CCL27: variants seen among roughly 807,000 people sequenced by gnomAD.
CCL27 encodes the protein C-C motif chemokine 27.
A neutral mutation model predicts 7.7 loss-of-function variants in CCL27; 8 were observed. That is an observed-to-expected ratio of 1.04 (90% CI 0.61 to 1.88). CCL27 has a LOEUF of 1.88. Ranked by LOEUF, CCL27 falls within the 40% of genes most tolerant of loss-of-function variation. CCL27 has a pLI of 0.00. For synonymous variants in CCL27, 49 were observed against 53.2 expected (o/e 0.92, Z 0.34); for missense variants, 130 against 130.0 (o/e 1.00, Z 0.00).
chr9:34,661,940 G>A lies in CCL27; in HGVS notation c.*4C>T. ...GCTGCTTTATTATTTGGCTATTGGG[G>A]GCTTCAGCCCATTTTCCTTAGCATC... On this transcript the variant is annotated 3_prime_UTR_variant, in exon 3 of 3. Transcript: ENST00000259631. 1 of 1,614,036 alleles carries A rather than the reference G, an allele frequency of 6.2e-7. No homozygotes were observed. The highest frequency in any genetic ancestry group is 8.5e-7 in the Non-Finnish European group (1 of 1,179,940).
In CCL27 at chr9:34,662,581, C is replaced by T. The variant is rs1284931141; in HGVS notation, c.53G>A (p.Ser18Asn). Residue 18 changes from serine (S) to asparagine (N), a missense_variant, in exon 1 of 3, where the codon AGC becomes AAC. By Grantham distance (46) the Ser-to-Asn change is conservative. Transcript: ENST00000259631. ...CSLLLLSLLL[S>N]PDPTAAFLLP... is the part of the protein sequence containing the mutation. Reference sequence around the variant, plus strand: ...GTACTCACCTGCTGTAGGGTCTGGGCTCAGGAGCAATGACAGCAGCAGGAG... The same window carrying T: ...GTACTCACCTGCTGTAGGGTCTGGGTTCAGGAGCAATGACAGCAGCAGGAG... 1 of 1,614,052 alleles carries T rather than the reference C, an allele frequency of 6.2e-7. No individual in the cohort carries two copies. Among genetic ancestry groups the T allele is most frequent in the Non-Finnish European group, 8.5e-7 (1 of 1,179,976 alleles).
chr9:34,662,626 C>T lies in CCL27; in HGVS notation c.8G>A (p.Gly3Glu), dbSNP rs141733148. 2.5e-4 allele frequency: 403 copies of T among 1,612,236 alleles called. 1 individual carries two copies. The highest frequency in any genetic ancestry group is 1.3e-3 in the Middle Eastern group (8 of 6,040). Residue 3 changes from glycine (G) to glutamate (E), a missense_variant, in exon 1 of 3, where the codon GGG (glycine) becomes GAG (glutamate). Transcript: ENST00000259631. ...CAGGAGGCTGCAGAAGGTTGGGGGC[C>T]CCTTCATGTTGCTCAGCCTAGACTC... MKGPPTFCSLLLL... is the reference protein window; with the variant it reads MKEPPTFCSLLLL...
At chr9:34,662,225 A>T (rs1290191301) in intron 2 of CCL27, 59 bp downstream of exon 2, 1 of 1,610,660 alleles carries the variant, frequency 6.2e-7, no homozygotes, top group African/African-American at 1.3e-5. Flanking sequence ...TGGGGTTGGG[A>T]TCAGCATTAG....
intron 1 of CCL27, 70 bp from the exon 2 acceptor site, chr9:34,662,486 T>G (rs1821478014): frequency 6.2e-7 from 1 of 1,613,074 alleles, no homozygotes; most frequent in Admixed American, 1.7e-5. Flanking sequence ...AGCTGGAGGT[T>G]AGGTTGGATT....
rs372580675 is a variant in CCL27 at position 34,662,285 on chromosome 9, C to T, written c.202G>A (p.Val68Met). The T allele has an allele frequency of 1.9e-5, 31 of 1,613,720 alleles. No individual in the cohort carries two copies. Among genetic ancestry groups the T allele is most frequent in the African/African-American group, 5.3e-5 (4 of 74,884 alleles). Residue 68 changes from valine to methionine, a missense_variant and splice_region_variant, in exon 2 of 3, where the codon GTG (valine) becomes ATG (methionine). Physicochemically the swap from Val to Met is conservative, Grantham distance 21. Transcript: ENST00000259631. The part of the protein sequence containing the change: ...ADGDCHLQAF[V>M]LHLAQRSICI... Reference sequence around the variant, plus strand: ...GGGGTATCAGGGGTGGGAGCTCACACGAAAGCCTGGAGGTGACAGTCCCCG... The same window carrying T: ...GGGGTATCAGGGGTGGGAGCTCACATGAAAGCCTGGAGGTGACAGTCCCCG...
chr9:34,662,337 G>A lies in CCL27; in HGVS notation c.150C>T (p.Val50=), dbSNP rs1440693362. 1 of 1,614,002 alleles carries A rather than the reference G, an allele frequency of 6.2e-7. No homozygotes were observed. Among genetic ancestry groups the A allele is most frequent in the African/African-American group, 1.3e-5 (1 of 74,902 alleles). The change falls in exon 2 of 3, where the codon GTC becomes GTT. Residue 50 remains valine (V), a synonymous_variant. Transcript: ENST00000259631. ...CAGCCTCCTGCAGTTCCACCTGGAT[G>A]ACCTTCCTCAGTAGCTTGTCTGAGA... ...KPLSDKLLRK[V]IQVELQEADG... is the part of the protein sequence containing the mutation.
chr9:34,661,976 G>C lies in CCL27; in HGVS notation c.307C>G (p.Leu103Val). 1.2e-6 allele frequency: 2 copies of C among 1,614,222 alleles called. No individual in the cohort carries two copies. Among genetic ancestry groups the C allele is most frequent in the Non-Finnish European group, 1.7e-6 (2 of 1,180,020 alleles). ...ATTTTCCTTAGCATCCCAAAATTCA[G>C]CTTGGGCAGAGTCCCATGGAGCTTT... ...ERKLHGTLPK[L>V]NFGMLRKMG The change falls in exon 3 of 3, where the codon CTG becomes GTG. Residue 103 changes from leucine (L) to valine (V), a missense_variant. Coordinates refer to ENST00000259631, the MANE Select transcript of CCL27 (RefSeq NM_006664.4).
chr9:34,662,217 G>A (rs1335016867), intron 2 of CCL27, 67 bp downstream of exon 2: 2 of 1,608,684 alleles, frequency 1.2e-6, no homozygotes, highest in Non-Finnish European at 1.7e-6. Context: ...GTTAGGGCTG[G>A]GGTTGGGATC....
chr9:34,661,936 T>G lies in CCL27; in HGVS notation c.*8A>C, dbSNP rs1405173939. 2.5e-6 allele frequency: 4 copies of G among 1,613,922 alleles called. No homozygotes were observed. The highest frequency in any genetic ancestry group is 3.4e-6 in the Non-Finnish European group (4 of 1,179,812). On this transcript the variant is annotated 3_prime_UTR_variant, in exon 3 of 3. Coordinates refer to ENST00000259631, the MANE Select transcript of CCL27 (RefSeq NM_006664.4). ...CAATGCTGCTTTATTATTTGGCTAT[T>G]GGGGGCTTCAGCCCATTTTCCTTAG...
intron 1 of CCL27, 61 bp downstream of exon 1, chr9:34,662,503 G>A (rs1287604311): frequency 2.5e-6 from 4 of 1,612,188 alleles, no homozygotes; most frequent in Non-Finnish European, 3.4e-6. Flanking sequence ...GATTTCCTGG[G>A]TCTTTTCAAC....
rs1252627907 is a variant in CCL27 at position 34,662,069 on chromosome 9, C to T, written c.214G>A (p.Ala72Thr). 1 of 1,614,142 alleles carries T rather than the reference C, an allele frequency of 6.2e-7. No homozygotes were observed. Among genetic ancestry groups the T allele is most frequent in the East Asian group, 2.2e-5 (1 of 44,884 alleles). The stretch of plus-strand genomic sequence containing the variant: ...GGGTGGATGCAGATGCTGCGTTGAG[C>T]CAGGTGAAGCCTGGGTAGAGAAAGG... Reference protein sequence around the residue: ...CHLQAFVLHLAQRSICIHPQN... With the variant: ...CHLQAFVLHLTQRSICIHPQN... Residue 72 changes from alanine (A) to threonine (T), a missense_variant, in exon 3 of 3, where the codon GCT becomes ACT. Physicochemically the swap from Ala to Thr is moderately conservative, Grantham distance 58. Transcript: ENST00000259631.
rs758408920 is a variant in CCL27, at chr9:34,662,465, C to G, written c.71-49G>C. The G allele has an allele frequency of 5.6e-6, 9 of 1,613,756 alleles. No homozygotes were observed. The East Asian group carries it at 2.0e-4, about 36-fold the overall frequency. On this transcript the variant is annotated intron_variant, in intron 1 of 2. Coordinates refer to ENST00000259631, the MANE Select transcript of CCL27 (RefSeq NM_006664.4). ...TCAGAGGGATCCTGACCAAGAACCTCTCTGCCAGACAGCTGGAGGTTAGGT... is the reference window on the plus strand; with the variant it reads ...TCAGAGGGATCCTGACCAAGAACCTGTCTGCCAGACAGCTGGAGGTTAGGT...
rs760208901 is a variant in CCL27, at chr9:34,661,946, A to G, written c.337T>C (p.Ter113ArgextTer4). The change falls in exon 3 of 3, where the codon TGA (stop) becomes CGA (arginine). Residue 113 changes from the stop codon to arginine (R), a stop_lost. Transcript: ENST00000259631. ...LNFGMLRKMG[*>R] ...TTATTATTTGGCTATTGGGGGCTTCAGCCCATTTTCCTTAGCATCCCAAAA... is the reference window on the plus strand; with the variant it reads ...TTATTATTTGGCTATTGGGGGCTTCGGCCCATTTTCCTTAGCATCCCAAAA... 3.1e-6 allele frequency: 5 copies of G among 1,614,066 alleles called. No individual in the cohort carries two copies. Among genetic ancestry groups the G allele is most frequent in the Non-Finnish European group, 4.2e-6 (5 of 1,180,026 alleles).
In CCL27 at chr9:34,662,550, C is replaced by T. The variant is rs1564106834; in HGVS notation, c.70+14G>A. ...CACCCAGACCCCCAGCTTTCTATAC[C>T]CCCAAGTACTCACCTGCTGTAGGGT... On this transcript the variant is annotated intron_variant, in intron 1 of 2. Transcript: ENST00000259631. The T allele has an allele frequency of 9.3e-6, 15 of 1,613,886 alleles. No individual in the cohort carries two copies. The highest frequency in any genetic ancestry group is 1.3e-5 in the African/African-American group (1 of 75,014).
intron 1 of CCL27, 42 bp downstream of exon 1, chr9:34,662,522 A>T (rs764059851): frequency 1.4e-5 from 23 of 1,612,570 alleles, no homozygotes; most frequent in Non-Finnish European, 2.0e-5. Context: ...ACTTCATCCC[A>T]TTCACCCAGA....
In CCL27 at chr9:34,661,977, C is replaced by G. The variant is rs751839862; in HGVS notation, c.306G>C (p.Lys102Asn). The G allele has an allele frequency of 9.3e-6, 15 of 1,614,126 alleles. No individual in the cohort carries two copies. The highest frequency in any genetic ancestry group is 1.2e-5 in the Non-Finnish European group (14 of 1,180,044). ...TTTTCCTTAGCATCCCAAAATTCAG[C>G]TTGGGCAGAGTCCCATGGAGCTTTC... ...QERKLHGTLP[K>N]LNFGMLRKMG The change falls in exon 3 of 3, where the codon AAG (lysine) becomes AAC (asparagine). Residue 102 changes from lysine (K) to asparagine (N), a missense_variant. Coordinates refer to ENST00000259631, the MANE Select transcript of CCL27 (RefSeq NM_006664.4).
Position 34,662,004 on chromosome 9 carries a change from C to T in CCL27, c.279G>A (p.Glu93=). Residue 93 remains glutamate (E), a synonymous_variant, in exon 3 of 3, where the codon GAG becomes GAA. Transcript: ENST00000259631. Reference sequence around the variant, plus strand: ...TGGGCAGAGTCCCATGGAGCTTTCTCTCTTGGTGCTCAAACCACTGTGACA... The same window carrying T: ...TGGGCAGAGTCCCATGGAGCTTTCTTTCTTGGTGCTCAAACCACTGTGACA... ...PSLSQWFEHQ[E]RKLHGTLPKL... 1 of 1,614,250 alleles carries T rather than the reference C, an allele frequency of 6.2e-7. No individual in the cohort carries two copies. Among genetic ancestry groups the T allele is most frequent in the Non-Finnish European group, 8.5e-7 (1 of 1,180,044 alleles).
intron 1 of CCL27, 53 bp from the exon 2 acceptor site, chr9:34,662,469 G>A (rs1283847657): frequency 4.3e-6 from 7 of 1,613,394 alleles, no homozygotes; most frequent in Non-Finnish European, 5.1e-6. Context: ...GAACCTCTCT[G>A]CCAGACAGCT....
chr9:34,662,629 T>G lies in CCL27; in HGVS notation c.5A>C (p.Lys2Thr). The G allele has an allele frequency of 6.2e-7, 1 of 1,611,760 alleles. No individual in the cohort carries two copies. The highest frequency in any genetic ancestry group is 8.5e-7 in the Non-Finnish European group (1 of 1,179,028). M[K>T]GPPTFCSLLL... ...GAGGCTGCAGAAGGTTGGGGGCCCCTTCATGTTGCTCAGCCTAGACTCTTC... is the reference window on the plus strand; with the variant it reads ...GAGGCTGCAGAAGGTTGGGGGCCCCGTCATGTTGCTCAGCCTAGACTCTTC... Residue 2 changes from lysine (K) to threonine (T), a missense_variant, in exon 1 of 3, where the codon AAG (lysine) becomes ACG (threonine). Physicochemically the swap from Lys to Thr is moderately conservative, Grantham distance 78 (BLOSUM62 -1). Transcript: ENST00000259631.
Sources: allele counts gnomAD v4.1 joint callset, GRCh38; gene constraint gnomAD v4.1.1; transcripts MANE v1.5; gene names NCBI Gene and HGNC (gene_info 2026-07-23, HGNC 2026-07-21).